CACNA2D3: variants seen among roughly 807,000 people sequenced by gnomAD.
CACNA2D3 encodes the protein voltage-dependent calcium channel subunit alpha-2/delta-3.
CACNA2D3 carries 60 observed loss-of-function variants against 160.6 expected under a neutral mutation model. That is an observed-to-expected ratio of 0.37 (90% CI 0.30 to 0.46). The LOEUF is 0.46. Ranked by LOEUF, CACNA2D3 falls within the 20% of genes least tolerant of loss-of-function variation. The probability of loss-of-function intolerance (pLI) is 1.00; values close to 1 mark genes in which losing one functional copy is unlikely to be tolerated. For missense variants in CACNA2D3, 1,205 were observed against 1,365.0 expected, an observed-to-expected ratio of 0.88 and a Z score of 1.85; for synonymous variants, 558 against 492.9, an observed-to-expected ratio of 1.13 and a Z score of -1.75.
chr3:54,415,320 T>G (rs893303395), intron 4 of CACNA2D3, among the ~76,000 whole-genome samples: 1 of 152,162 alleles, frequency 6.6e-6, no homozygotes, highest in African/African-American at 2.4e-5. Flanking sequence ...GTTTAATTTT[T>G]AAATTAAACC....
At chr3:54,135,691 G>C (rs1272774855) in intron 2 of CACNA2D3, among the ~76,000 whole-genome samples, 2 of 152,200 alleles carry the variant, frequency 1.3e-5, no homozygotes, top group Non-Finnish European at 2.9e-5. Context: ...AGCACTGTGT[G>C]CCCTGAGTGA....
intron 9 of CACNA2D3, among the ~76,000 whole-genome samples, chr3:54,587,611 A>G (rs1246270975): frequency 1.3e-5 from 2 of 152,114 alleles, no homozygotes; most frequent in African/African-American, 4.8e-5. Context: ...CAAATCAGCA[A>G]TATCAGGAAT....
At chr3:54,640,995 T>C (rs886508977) in intron 10 of CACNA2D3, among the ~76,000 whole-genome samples, 12 of 152,078 alleles carry the variant, frequency 7.9e-5, no homozygotes, top group African/African-American at 2.9e-4. Context: ...TTCCCACCTC[T>C]TGTGTATTTT....
At chr3:54,726,995 AG>A in intron 11 of CACNA2D3, among the ~76,000 whole-genome samples, 1 of 152,238 alleles carries the variant, frequency 6.6e-6, no homozygotes, top group Non-Finnish European at 1.5e-5. Context: ...GAATGGGAGA[AG>A]ATTTTTGCAA....
chr3:55,017,370 A>G (rs1265339675), intron 34 of CACNA2D3, among the ~76,000 whole-genome samples: 2 of 152,138 alleles, frequency 1.3e-5, no homozygotes, highest in African/African-American at 2.4e-5. Flanking sequence ...GTCTATCATT[A>G]TTGTCATCAT....
At chr3:54,436,437 C>T (rs577578298) in intron 4 of CACNA2D3, among the ~76,000 whole-genome samples, 1 of 152,202 alleles carries the variant, frequency 6.6e-6, no homozygotes, top group South Asian at 2.1e-4. Flanking sequence ...GGTATATACC[C>T]AAAGGATTGT....
chr3:55,034,828 T>C (rs1165956214), intron 35 of CACNA2D3, among the ~76,000 whole-genome samples: 1 of 152,166 alleles, frequency 6.6e-6, no homozygotes, highest in East Asian at 1.9e-4. Flanking sequence ...TATTTGGCTA[T>C]AGATGAATGT....
At chr3:54,989,789 G>T (rs2107112245) in intron 31 of CACNA2D3, among the ~76,000 whole-genome samples, 1 of 152,276 alleles carries the variant, frequency 6.6e-6, no homozygotes, top group African/African-American at 2.4e-5. Flanking sequence ...TCTTGAATTT[G>T]CTTTCCACTT....
chr3:54,423,596 C>A (rs1347675242), intron 4 of CACNA2D3, among the ~76,000 whole-genome samples: 1 of 152,216 alleles, frequency 6.6e-6, no homozygotes, highest in Non-Finnish European at 1.5e-5. Flanking sequence ...GATCAGTTAT[C>A]ATCATCTGCC....
intron 2 of CACNA2D3, among the ~76,000 whole-genome samples, chr3:54,280,925 G>A (rs920559795): frequency 5.9e-5 from 9 of 152,170 alleles, no homozygotes; most frequent in Non-Finnish European, 1.3e-4. Context: ...CCTTGCTATG[G>A]TGTTGAGCAT....
intron 2 of CACNA2D3, among the ~76,000 whole-genome samples, chr3:54,221,272 G>T (rs1701565138): frequency 6.6e-6 from 1 of 152,208 alleles, no homozygotes; most frequent in Admixed American, 6.5e-5. Context: ...AGTGGTGAGA[G>T]GGTGGGATCG....
At chr3:54,390,905 T>C (rs140054524) in intron 4 of CACNA2D3, among the ~76,000 whole-genome samples, 1 of 152,100 alleles carries the variant, frequency 6.6e-6, no homozygotes, top group African/African-American at 2.4e-5. Context: ...ATCAAAAAAA[T>C]TTCAGACTAC....
intron 35 of CACNA2D3, among the ~76,000 whole-genome samples, chr3:55,052,581 T>C (rs142142642): frequency 1.3e-5 from 2 of 152,066 alleles, no homozygotes; most frequent in African/African-American, 4.8e-5. Context: ...AAGAGAGGAG[T>C]GTTGCAGTCT....
chr3:54,893,092 A>C (rs1361456195), intron 25 of CACNA2D3, among the ~76,000 whole-genome samples: 1 of 152,202 alleles, frequency 6.6e-6, no homozygotes, highest in Non-Finnish European at 1.5e-5. Flanking sequence ...CCTGGTCAAC[A>C]TGGTGAAACC....
chr3:54,590,246 T>TG (rs1431295668), intron 9 of CACNA2D3, among the ~76,000 whole-genome samples: 2 of 152,106 alleles, frequency 1.3e-5, no homozygotes, highest in East Asian at 3.9e-4. Context: ...AGCAATCTAT[T>TG]GATAGATACA....
intron 11 of CACNA2D3, among the ~76,000 whole-genome samples, chr3:54,685,907 A>G (rs1214461881): frequency 6.6e-6 from 1 of 152,190 alleles, no homozygotes; most frequent in Non-Finnish European, 1.5e-5. Context: ...CTCCTTGTAG[A>G]CTGTGGGGTG....
intron 27 of CACNA2D3, among the ~76,000 whole-genome samples, chr3:54,951,416 GCCATCGACA>G (rs1375301687): frequency 6.6e-6 from 1 of 152,218 alleles, no homozygotes; most frequent in East Asian, 1.9e-4. Context: ...AGAGTTCCAA[GCCATCGACA>G]CCATTAGGGA....
At position 54,513,744 on chromosome 3, in the gene CACNA2D3, G is replaced by A. The variant is rs149086214; in HGVS notation, c.544+10090G>A. ...CACCCAGGCTGGAGTGCAGTGGTGCGATCTCAGCTCATTGCAACCTCTGCC... is the reference window on the plus strand; with the variant it reads ...CACCCAGGCTGGAGTGCAGTGGTGCAATCTCAGCTCATTGCAACCTCTGCC... On this transcript the variant is annotated intron_variant, in intron 5 of 37. Transcript: ENST00000474759. Among the ~76,000 whole-genome samples, 33 of 152,156 alleles carry A rather than the reference G, an allele frequency of 2.2e-4. 1 individual carries two copies. The East Asian group carries it at 3.7e-3, about 17-fold the overall frequency.
chr3:54,538,670 A>G (rs918306017), intron 5 of CACNA2D3, among the ~76,000 whole-genome samples: 10 of 152,122 alleles, frequency 6.6e-5, no homozygotes, highest in African/African-American at 2.4e-4. Context: ...GTTCTGAGGG[A>G]TTCACTGTCC....
Sources: gnomAD v4.1 joint callset for allele counts (sites outside exome capture counted in the v4.1 genomes callset) on GRCh38, gnomAD v4.1.1 for gene constraint, MANE v1.5 for transcripts, NCBI Gene and HGNC (gene_info 2026-07-23, HGNC 2026-07-21) for gene names.